CELSR1: variants seen among roughly 807,000 people sequenced by gnomAD.
CELSR1 encodes cadherin EGF LAG seven-pass G-type receptor 1, also known as adhesion G protein-coupled receptor C1.
Under a neutral mutation model 249.1 loss-of-function variants are expected in CELSR1, and 110 were observed. The observed-to-expected ratio is 0.44, with a 90% CI of 0.38 to 0.52. The LOEUF is 0.52. CELSR1 is among the 20% of genes least tolerant of loss of function. CELSR1 has a pLI of 0.00. For missense variants in CELSR1, 4,109 were observed against 4,296.4 expected, an observed-to-expected ratio of 0.96 and a Z score of 1.22; for synonymous variants, 2,113 against 1,900.0, an observed-to-expected ratio of 1.11 and a Z score of -2.92.
At chr22:46,442,970 C>T (rs899244378) in intron 2 of CELSR1, among the ~76,000 whole-genome samples, 2 of 151,822 alleles carry the variant, frequency 1.3e-5, no homozygotes, top group Admixed American at 6.6e-5. Flanking sequence ...TGTTGGCGGG[C>T]GCCTGTAGTC....
Position 46,366,386 on chromosome 22 carries a change from C to A in CELSR1, c.8300G>T (p.Arg2767Met). The change falls in exon 30 of 35, where the codon AGG becomes ATG. Residue 2767 changes from arginine to methionine, a missense_variant and splice_region_variant. Physicochemically the swap from Arg to Met is moderately conservative, Grantham distance 91. Coordinates refer to ENST00000674500, the MANE Select transcript of CELSR1 (RefSeq NM_001378328.1). The stretch of plus-strand genomic sequence containing the variant: ...CCCGAACCCGGAGCTGCGGCCTGAC[C>A]TGACGATGCTGTCCAGCGAGGCGGT... ...ESTASLDSIV[R>M]DEGIQKLGVS... 1.3e-6 allele frequency: 2 copies of A among 1,547,708 alleles called. No individual in the cohort carries two copies. Among genetic ancestry groups the A allele is most frequent in the South Asian group, 1.2e-5 (1 of 83,800 alleles).
At chr22:46,493,545 CAAAA>C (rs35527058) in intron 1 of CELSR1, among the ~76,000 whole-genome samples, 5 of 124,722 alleles carry the variant, frequency 4.0e-5, no homozygotes, top group Admixed American at 7.9e-5. Context: ...GACTCCGTCT[CAAAA>C]AAAAAAAAAA....
At chr22:46,475,321 A>T (rs2080197030) in intron 1 of CELSR1, among the ~76,000 whole-genome samples, 1 of 152,206 alleles carries the variant, frequency 6.6e-6, no homozygotes, top group Admixed American at 6.5e-5. Context: ...ACACGCTACA[A>T]CACAGATGAG....
At position 46,448,275 on chromosome 22, in the gene CELSR1, G is replaced by C. The variant is rs1296226945; in HGVS notation, c.4184-8864C>G. 6.6e-6 allele frequency among the ~76,000 whole-genome samples: 1 copy of C among 152,248 alleles called. No homozygotes were observed. Among genetic ancestry groups the C allele is most frequent in the Non-Finnish European group, 1.5e-5 (1 of 68,044 alleles). ...GCTGGACACAAGCCCAGGGAAGACA[G>C]AGGGCATGGGGGTGGGGGCAGAGGG... On this transcript the variant is annotated intron_variant, in intron 2 of 34. Coordinates refer to ENST00000674500, the MANE Select transcript of CELSR1 (RefSeq NM_001378328.1). This position sits in a 1 kb window ranked among gnomAD's most constrained non-coding sequence, Gnocchi z 5.7.
Position 46,374,575 on chromosome 22 carries a change from T to C in CELSR1, c.7585-1518A>G, listed in dbSNP as rs987567428. ...CCCTTTCCTTCTCCATGCTCAGCCG[T>C]GCGTGGCTGCCGGGACAGCGCTCAC... On this transcript the variant is annotated intron_variant, in intron 24 of 34. Coordinates refer to ENST00000674500, the MANE Select transcript of CELSR1 (RefSeq NM_001378328.1). The surrounding 1 kb of genome is among the most constrained non-coding windows in gnomAD (Gnocchi z 4.3). Among the ~76,000 whole-genome samples the C allele has an allele frequency of 1.3e-5, 2 of 152,124 alleles. No homozygotes were observed. The highest frequency in any genetic ancestry group is 2.4e-5 in the African/African-American group (1 of 41,422).
At position 46,537,175 on chromosome 22, in the gene CELSR1, C is replaced by A; in HGVS notation, c.-5G>T. On this transcript the variant is annotated 5_prime_UTR_variant, in exon 1 of 35. Coordinates refer to ENST00000674500, the MANE Select transcript of CELSR1 (RefSeq NM_001378328.1). This position sits in a 1 kb window ranked among gnomAD's most constrained non-coding sequence, Gnocchi z 5.8. ...GGGCGGCGGCGGCGGCGCCATGGCC[C>A]GGAGCCCGAGCCCGAGCCGGGCGCC... The A allele has an allele frequency of 9.8e-7, 1 of 1,021,286 alleles. No individual in the cohort carries two copies. Among genetic ancestry groups the A allele is most frequent in the Non-Finnish European group, 1.2e-6 (1 of 855,386 alleles). The allele number at this position is 1,021,286 out of a possible 1,614,324, so 63.3% of individuals were successfully genotyped here. A position where few individuals can be genotyped will look rare whatever the true frequency, so the allele number is the denominator to read the frequency against.
chr22:46,393,926 G>A lies in CELSR1; in HGVS notation c.5964+216C>T, dbSNP rs2079121247. ...AGGGCTGAACCCGTAGTTTACACGT[G>A]GAAAGCAGCCATGGAGTATTCACAG... is the stretch of plus-strand genomic sequence containing the variant. On this transcript the variant is annotated intron_variant, in intron 14 of 34. Transcript: ENST00000674500. This position sits in a 1 kb window ranked among gnomAD's most constrained non-coding sequence, Gnocchi z 4.1. 6.6e-6 allele frequency among the ~76,000 whole-genome samples: 1 copy of A among 152,184 alleles called. No individual in the cohort carries two copies. The highest frequency in any genetic ancestry group is 1.5e-5 in the Non-Finnish European group (1 of 68,032).
At chr22:46,416,108 G>GGGGGGGGGGGGC in intron 5 of CELSR1, among the ~76,000 whole-genome samples, 1 of 127,688 alleles carries the variant, frequency 7.8e-6, no homozygotes, top group Admixed American at 7.4e-5. Context: ...GTTGCAGAGG[G>GGGGGGGGGGGGC]GGGCGGATAA....
At chr22:46,516,063 T>C (rs2147779738) in intron 1 of CELSR1, among the ~76,000 whole-genome samples, 1 of 152,244 alleles carries the variant, frequency 6.6e-6, no homozygotes, top group African/African-American at 2.4e-5. Flanking sequence ...TCCTCAAGGA[T>C]CTAGAAGTAG....
chr22:46,389,072 T>C (rs111371052), intron 18 of CELSR1, among the ~76,000 whole-genome samples: 2,906 of 152,352 alleles, frequency 0.019, 91 homozygotes, highest in African/African-American at 0.066. Context: ...AGCAAGGCTG[T>C]GACCTGCATG....
Position 46,430,760 on chromosome 22 carries a change from C to T in CELSR1, c.4611+2633G>A, listed in dbSNP as rs2079586607. ...AGCTGGCCCCCGCCACCCCTCCAGGCCCCCACACTGCTCCCAACCTGACTG... is the reference window on the plus strand; with the variant it reads ...AGCTGGCCCCCGCCACCCCTCCAGGTCCCCACACTGCTCCCAACCTGACTG... On this transcript the variant is annotated intron_variant, in intron 5 of 34. Coordinates refer to ENST00000674500, the MANE Select transcript of CELSR1 (RefSeq NM_001378328.1). This position sits in a 1 kb window ranked among gnomAD's most constrained non-coding sequence, Gnocchi z 4.6. Among the ~76,000 whole-genome samples, 1 of 152,046 alleles carries T rather than the reference C, an allele frequency of 6.6e-6. No individual in the cohort carries two copies. The highest frequency in any genetic ancestry group is 2.1e-4 in the South Asian group (1 of 4,824).
At chr22:46,431,511 C>T (rs75878540) in intron 5 of CELSR1, among the ~76,000 whole-genome samples, 2,042 of 152,332 alleles carry the variant, frequency 0.013, 48 homozygotes, top group African/African-American at 0.046. Flanking sequence ...CACCTATGCC[C>T]TATGCTTCCC....
At chr22:46,520,939 T>C (rs114339383) in intron 1 of CELSR1, among the ~76,000 whole-genome samples, 1,972 of 152,290 alleles carry the variant, frequency 0.013, 39 homozygotes, top group African/African-American at 0.046. Context: ...TCTCTATGAA[T>C]TTGACTCCTC....
rs1407137364 is a variant in CELSR1 at position 46,446,628 on chromosome 22, G to C, written c.4184-7217C>G. On this transcript the variant is annotated intron_variant, in intron 2 of 34. Coordinates refer to ENST00000674500, the MANE Select transcript of CELSR1 (RefSeq NM_001378328.1). The surrounding 1 kb of genome is among the most constrained non-coding windows in gnomAD (Gnocchi z 5.5). ...AGGGGGTCGGTGGGGGGGAAAGCTGGGTCCATAGCAGGTACTGACAGACAC... is the reference window on the plus strand; with the variant it reads ...AGGGGGTCGGTGGGGGGGAAAGCTGCGTCCATAGCAGGTACTGACAGACAC... Among the ~76,000 whole-genome samples the C allele has an allele frequency of 6.6e-6, 1 of 151,934 alleles. No individual in the cohort carries two copies. Among genetic ancestry groups the C allele is most frequent in the East Asian group, 1.9e-4 (1 of 5,178 alleles).
chr22:46,472,669 A>G lies in CELSR1; in HGVS notation c.3545-8324T>C, dbSNP rs1490519289. On this transcript the variant is annotated intron_variant, in intron 1 of 34. Transcript: ENST00000674500. The surrounding 1 kb of genome is among the most constrained non-coding windows in gnomAD (Gnocchi z 7.0). ...AGCAAAGGGCCGCCGCTGCATCACC[A>G]ATACAGGACATTCACTCTCTCCGTT... 6.6e-6 allele frequency among the ~76,000 whole-genome samples: 1 copy of G among 152,188 alleles called. No homozygotes were observed. The highest frequency in any genetic ancestry group is 1.5e-5 in the Non-Finnish European group (1 of 68,024).
chr22:46,446,114 C>T lies in CELSR1; in HGVS notation c.4184-6703G>A, dbSNP rs888687922. On this transcript the variant is annotated intron_variant, in intron 2 of 34. Coordinates refer to ENST00000674500, the MANE Select transcript of CELSR1 (RefSeq NM_001378328.1). This position sits in a 1 kb window ranked among gnomAD's most constrained non-coding sequence, Gnocchi z 5.5. Reference sequence around the variant, plus strand: ...CCTAAGGGGTCCCAGGGCCCAGCCCCCAGCCACACACCCAGCCCCCTCCAC... The same window carrying T: ...CCTAAGGGGTCCCAGGGCCCAGCCCTCAGCCACACACCCAGCCCCCTCCAC... Among the ~76,000 whole-genome samples, 1 of 152,194 alleles carries T rather than the reference C, an allele frequency of 6.6e-6. No homozygotes were observed. Among genetic ancestry groups the T allele is most frequent in the African/African-American group, 2.4e-5 (1 of 41,454 alleles).
Position 46,396,456 on chromosome 22 carries a change from A to T in CELSR1, c.5843+149T>A. ...ATTAAAAAAAATTTGATTTTCACTTAATTCATGCCAAATTAAAAAAAAATA... is the reference window on the plus strand; with the variant it reads ...ATTAAAAAAAATTTGATTTTCACTTTATTCATGCCAAATTAAAAAAAAATA... On this transcript the variant is annotated intron_variant, in intron 13 of 34. Coordinates refer to ENST00000674500, the MANE Select transcript of CELSR1 (RefSeq NM_001378328.1). The surrounding 1 kb of genome is among the most constrained non-coding windows in gnomAD (Gnocchi z 6.4). The T allele has an allele frequency of 1.3e-6, 1 of 761,456 alleles. No homozygotes were observed. Among genetic ancestry groups the T allele is most frequent in the Non-Finnish European group, 1.8e-6 (1 of 550,040 alleles). 47.2% of individuals were successfully genotyped at this position (761,456 alleles called of 1,614,324 possible).
intron 2 of CELSR1, among the ~76,000 whole-genome samples, chr22:46,452,628 AC>A (rs1313906621): frequency 6.6e-6 from 1 of 152,112 alleles, no homozygotes; most frequent in Non-Finnish European, 1.5e-5. Context: ...CTCAAAACAA[AC>A]CCAGGGTCCT....
chr22:46,444,111 A>T (rs1401344065), intron 2 of CELSR1, among the ~76,000 whole-genome samples: 1 of 152,160 alleles, frequency 6.6e-6, no homozygotes, highest in Non-Finnish European at 1.5e-5. Context: ...TCCCAGAGGA[A>T]AGTGAGGCCC....
Sources: allele counts gnomAD v4.1 joint callset (sites outside exome capture counted in the v4.1 genomes callset), GRCh38; gene constraint gnomAD v4.1.1; non-coding constraint Gnocchi (gnomAD v3.1); transcripts MANE v1.5; gene names NCBI Gene and HGNC (gene_info 2026-07-23, HGNC 2026-07-21).